SLC7A1: variants seen among roughly 807,000 people sequenced by gnomAD.
SLC7A1 encodes high affinity cationic amino acid transporter 1.
Under a neutral mutation model 53.9 loss-of-function variants are expected in SLC7A1, and 10 were observed. That is an observed-to-expected ratio of 0.19 (90% CI 0.11 to 0.31). The LOEUF (loss-of-function observed/expected upper bound fraction) is 0.31. Ranked by LOEUF, SLC7A1 falls within the 10% of genes least tolerant of loss-of-function variation. The probability of loss-of-function intolerance (pLI) is 1.00; values close to 1 mark genes in which losing one functional copy is unlikely to be tolerated. For synonymous variants in SLC7A1, 342 were observed against 338.7 expected, an observed-to-expected ratio of 1.01 and a Z score of -0.11; for missense variants, 525 against 827.2, an observed-to-expected ratio of 0.63 and a Z score of 4.48.
chr13:29,566,487 C>CT (rs1251940963), intron 1 of SLC7A1, among the ~76,000 whole-genome samples: 4 of 152,172 alleles, frequency 2.6e-5, no homozygotes, highest in Non-Finnish European at 4.4e-5. Flanking sequence ...ACGGATGAAC[C>CT]TTGAAAACAC....
rs145011879 is a variant in SLC7A1, at chr13:29,523,445, G to A, written c.870C>T (p.Ile290=). 70 of 1,613,864 alleles carry A rather than the reference G, an allele frequency of 4.3e-5. No homozygotes were observed. In the African/African-American group the frequency reaches 5.2e-4, roughly 12 times the overall value. The change falls in exon 7 of 13, where the codon ATC becomes ATT. Residue 290 remains isoleucine (I), a synonymous_variant. Coordinates refer to ENST00000380752, the MANE Select transcript of SLC7A1 (RefSeq NM_003045.5). ...TGAAGCAGATCAAGAGGGACGCCAC[G>A]ATCCCCACGGGGATGGCCTTCTGTG... The part of the protein sequence containing the change: ...KNPQKAIPVG[I]VASLLICFIA...
intron 1 of SLC7A1, among the ~76,000 whole-genome samples, chr13:29,559,883 T>C (rs556266144): frequency 3.9e-5 from 6 of 152,108 alleles, no homozygotes; most frequent in South Asian, 4.2e-4. Flanking sequence ...GCCCGGATAA[T>C]TTTTTGTATT....
intron 5 of SLC7A1, among the ~76,000 whole-genome samples, chr13:29,529,578 G>A (rs1869058453): frequency 6.6e-6 from 1 of 152,214 alleles, no homozygotes; most frequent in African/African-American, 2.4e-5. Flanking sequence ...TGAGGACAAT[G>A]TCCTGGGGGA....
intron 1 of SLC7A1, among the ~76,000 whole-genome samples, chr13:29,555,357 CA>C (rs538934310): frequency 0.058 from 1,085 of 18,668 alleles, 15 homozygotes; most frequent in South Asian, 0.21. Flanking sequence ...GACTCCGTCT[CA>C]AAAAAAAAAA....
intron 2 of SLC7A1, among the ~76,000 whole-genome samples, chr13:29,549,782 A>T (rs774109996): frequency 5.9e-5 from 9 of 152,096 alleles, no homozygotes; most frequent in Non-Finnish European, 1.2e-4. Context: ...CTCCCACCTC[A>T]GCCTCCTGAG....
intron 1 of SLC7A1, among the ~76,000 whole-genome samples, chr13:29,571,777 T>C (rs1006824006): frequency 6.6e-6 from 1 of 152,248 alleles, no homozygotes; most frequent in Non-Finnish European, 1.5e-5. Flanking sequence ...AGCCCAGTTA[T>C]TTGTTTTGCA....
At chr13:29,578,566 C>T (rs912601201) in intron 1 of SLC7A1, among the ~76,000 whole-genome samples, 19 of 152,186 alleles carry the variant, frequency 1.2e-4, no homozygotes, top group African/African-American at 4.6e-4. Flanking sequence ...AGAGCCCAGC[C>T]GTGGTTCAAA....
intron 12 of SLC7A1, among the ~76,000 whole-genome samples, 154 bp downstream of exon 12, chr13:29,515,984 C>T (rs1056140498): frequency 6.6e-6 from 1 of 152,246 alleles, no homozygotes; most frequent in Non-Finnish European, 1.5e-5. Context: ...AAGTATCTAA[C>T]AGGGAGGAGA....
intron 1 of SLC7A1, among the ~76,000 whole-genome samples, chr13:29,562,675 C>A (rs983117787): frequency 6.6e-6 from 1 of 152,206 alleles, no homozygotes; most frequent in Admixed American, 6.5e-5. Context: ...CTCCTAATTT[C>A]TAATATCTGT....
At chr13:29,555,967 A>G (rs1231949951) in intron 1 of SLC7A1, among the ~76,000 whole-genome samples, 1 of 152,232 alleles carries the variant, frequency 6.6e-6, no homozygotes, top group Non-Finnish European at 1.5e-5. Context: ...TTATTTTAGA[A>G]CAAAGAGCTT....
intron 1 of SLC7A1, among the ~76,000 whole-genome samples, chr13:29,569,251 CTCATT>C (rs1871094765): frequency 1.3e-5 from 2 of 152,154 alleles, no homozygotes; most frequent in Non-Finnish European, 2.9e-5. Context: ...TGCGGGCTGT[CTCATT>C]GGAGATCGGC....
chr13:29,590,814 T>C (rs1346776778), intron 1 of SLC7A1, among the ~76,000 whole-genome samples: 1 of 152,124 alleles, frequency 6.6e-6, no homozygotes, highest in Non-Finnish European at 1.5e-5. Flanking sequence ...AAAAATTATT[T>C]TTCTCAGGGC....
At chr13:29,594,650 C>A (rs191355500) in intron 1 of SLC7A1, among the ~76,000 whole-genome samples, 1 of 152,354 alleles carries the variant, frequency 6.6e-6, no homozygotes, top group East Asian at 1.9e-4. Context: ...GGAAGAACTT[C>A]CTCTCATTCC....
intron 5 of SLC7A1, among the ~76,000 whole-genome samples, chr13:29,527,149 C>T (rs547011276): frequency 8.6e-5 from 13 of 151,896 alleles, no homozygotes; most frequent in East Asian, 1.9e-4. Flanking sequence ...TACGGAGTGC[C>T]GCGTTTTGTG....
chr13:29,554,661 A>G (rs562931014), intron 1 of SLC7A1, among the ~76,000 whole-genome samples: 1 of 152,254 alleles, frequency 6.6e-6, no homozygotes, highest in Non-Finnish European at 1.5e-5. Flanking sequence ...GCTGTCTGAA[A>G]TATGATTTGC....
At chr13:29,534,612 AG>A (rs1190722003) in intron 3 of SLC7A1, among the ~76,000 whole-genome samples, 5 of 152,042 alleles carry the variant, frequency 3.3e-5, no homozygotes, top group Admixed American at 3.3e-4. Flanking sequence ...GTCCTGGTGA[AG>A]GGGGAGTGAT....
intron 1 of SLC7A1, among the ~76,000 whole-genome samples, chr13:29,554,576 T>C (rs764541245): frequency 2.6e-5 from 4 of 152,184 alleles, no homozygotes; most frequent in Non-Finnish European, 5.9e-5. Flanking sequence ...ATAAAGTCCT[T>C]TGTTTTCTAA....
Position 29,514,433 on chromosome 13 carries a change from G to C in SLC7A1, c.*47C>G. 1.4e-6 allele frequency: 2 copies of C among 1,439,884 alleles called. No homozygotes were observed. Among genetic ancestry groups the C allele is most frequent in the Non-Finnish European group, 1.9e-6 (2 of 1,036,214 alleles). The allele number at this position is 1,439,884 out of a possible 1,614,324, so 89.2% of individuals were successfully genotyped here. On this transcript the variant is annotated 3_prime_UTR_variant, in exon 13 of 13. Coordinates refer to ENST00000380752, the MANE Select transcript of SLC7A1 (RefSeq NM_003045.5). Reference sequence around the variant, plus strand: ...GGTGGGGTGCCTCCCGGTCCTCTGGGGGCGTCCCTCGGGGCTGCTGCCACC... The same window carrying C: ...GGTGGGGTGCCTCCCGGTCCTCTGGCGGCGTCCCTCGGGGCTGCTGCCACC...
intron 2 of SLC7A1, 123 bp from the exon 3 acceptor site, chr13:29,536,325 C>G: frequency 9.8e-7 from 1 of 1,021,078 alleles, no homozygotes; most frequent in Non-Finnish European, 1.4e-6. Flanking sequence ...TGCTAAAACG[C>G]TTTAATTCGT....
Sources: gnomAD v4.1 joint callset for allele counts (sites outside exome capture counted in the v4.1 genomes callset) on GRCh38, gnomAD v4.1.1 for gene constraint, MANE v1.5 for transcripts, NCBI Gene and HGNC (gene_info 2026-07-23, HGNC 2026-07-21) for gene names.